SLC39A11: variants seen among roughly 807,000 people sequenced by gnomAD.
SLC39A11 encodes solute carrier family 39 member 11.
A neutral mutation model predicts 36.1 loss-of-function variants in SLC39A11; 33 were observed. That is an observed-to-expected ratio of 0.91 (90% CI 0.69 to 1.22). SLC39A11 has a LOEUF of 1.22. SLC39A11 is among the 50% of genes most tolerant of loss of function. The pLI, the probability that SLC39A11 is intolerant of heterozygous loss-of-function variation, is 0.00. For missense variants in SLC39A11, 432 were observed against 430.3 expected (o/e 1.00, Z -0.03); for synonymous variants, 166 against 170.3 (o/e 0.97, Z 0.20).
intron 6 of SLC39A11, among the ~76,000 whole-genome samples, chr17:72,775,235 C>T (rs1437207945): frequency 1.3e-5 from 2 of 152,164 alleles, no homozygotes; most frequent in Non-Finnish European, 2.9e-5. Flanking sequence ...CTGAGGACCC[C>T]CTTGCAGCCC....
At chr17:72,956,500 T>C (rs1245619108) in intron 4 of SLC39A11, among the ~76,000 whole-genome samples, 4 of 152,238 alleles carry the variant, frequency 2.6e-5, no homozygotes, top group Non-Finnish European at 4.4e-5. Context: ...CAAAGCATTA[T>C]GCTTTTTCTT....
At chr17:72,768,771 TA>T (rs2075835279) in intron 6 of SLC39A11, among the ~76,000 whole-genome samples, 1 of 151,986 alleles carries the variant, frequency 6.6e-6, no homozygotes, top group African/African-American at 2.4e-5. Context: ...TTATTATTAT[TA>T]TTTTTTGAGA....
In SLC39A11 at chr17:72,849,652, T is replaced by C. The variant is rs763268192; in HGVS notation, c.583A>G (p.Thr195Ala). 2.5e-6 allele frequency: 4 copies of C among 1,577,182 alleles called. No homozygotes were observed. Among genetic ancestry groups the C allele is most frequent in the Non-Finnish European group, 3.4e-6 (4 of 1,165,008 alleles). The stretch of plus-strand genomic sequence containing the variant: ...ACCTCACCTGGAACGTTGTGTATAG[T>C]GATGGCCAAGATGAGCAGTGCGATC... ...RRIALLILAITIHNVPEGLAV... is the reference protein window; with the variant it reads ...RRIALLILAIAIHNVPEGLAV... The change falls in exon 6 of 10, where the codon ACT becomes GCT. Residue 195 changes from threonine to alanine, a missense_variant. Thr to Ala is a moderately conservative substitution (Grantham distance 58, BLOSUM62 0). Coordinates refer to ENST00000255559, the MANE Select transcript of SLC39A11 (RefSeq NM_139177.4).
At chr17:72,873,991 C>T (rs2080774614) in intron 5 of SLC39A11, among the ~76,000 whole-genome samples, 1 of 152,150 alleles carries the variant, frequency 6.6e-6, no homozygotes, top group African/African-American at 2.4e-5. Context: ...TGAAGAGGTG[C>T]CTTCCACCAT....
chr17:72,688,234 G>C (rs2071847975), intron 7 of SLC39A11, among the ~76,000 whole-genome samples: 1 of 152,254 alleles, frequency 6.6e-6, no homozygotes, highest in African/African-American at 2.4e-5. Context: ...TAGGGCCTAA[G>C]ATACCTGAAT....
intron 7 of SLC39A11, among the ~76,000 whole-genome samples, chr17:72,666,388 A>C (rs1390384051): frequency 3.3e-5 from 5 of 152,244 alleles, no homozygotes; most frequent in African/African-American, 9.6e-5. Flanking sequence ...AGTGGAGGCC[A>C]AATGAGAAAG....
chr17:72,915,730 G>A (rs1318481898), intron 5 of SLC39A11, among the ~76,000 whole-genome samples: 2 of 152,146 alleles, frequency 1.3e-5, no homozygotes, highest in Non-Finnish European at 2.9e-5. Context: ...ACAAACCAGG[G>A]GCCCAGATGG....
chr17:73,061,881 A>G (rs929067779), intron 3 of SLC39A11, among the ~76,000 whole-genome samples: 2 of 152,158 alleles, frequency 1.3e-5, no homozygotes, highest in African/African-American at 4.8e-5. Context: ...CTGTGGTCCC[A>G]GCTACTCAGG....
intron 7 of SLC39A11, among the ~76,000 whole-genome samples, chr17:72,703,034 T>C (rs924999575): frequency 6.6e-6 from 1 of 151,518 alleles, no homozygotes; most frequent in Non-Finnish European, 1.5e-5. Flanking sequence ...ATAAATGGGC[T>C]GCCTGATCTC....
chr17:72,837,442 T>A (rs753884851), intron 6 of SLC39A11, among the ~76,000 whole-genome samples: 21 of 150,426 alleles, frequency 1.4e-4, no homozygotes, highest in Non-Finnish European at 1.5e-4. Context: ...ATTATCCCTT[T>A]GTGTCAAAGG....
chr17:72,811,068 C>CAAA (rs10707741), intron 6 of SLC39A11, among the ~76,000 whole-genome samples: 20 of 141,948 alleles, frequency 1.4e-4, no homozygotes, highest in African/African-American at 3.3e-4. Context: ...TGAATAAAAG[C>CAAA]AAAAAAAAAA....
At chr17:73,084,877 C>T in intron 2 of SLC39A11, 31 bp from the exon 3 acceptor site, 3 of 1,611,994 alleles carry the variant, frequency 1.9e-6, no homozygotes, top group Non-Finnish European at 2.5e-6. Flanking sequence ...TTTCAGTTTC[C>T]AAGAGACAAT....
intron 5 of SLC39A11, among the ~76,000 whole-genome samples, chr17:72,901,914 A>T (rs547662028): frequency 8.2e-4 from 125 of 152,262 alleles, no homozygotes; most frequent in Middle Eastern, 3.4e-3. Flanking sequence ...GTCTTTGCAG[A>T]GGTCATAAAG....
At chr17:72,996,010 C>G (rs180837372) in intron 4 of SLC39A11, among the ~76,000 whole-genome samples, 28 of 152,244 alleles carry the variant, frequency 1.8e-4, no homozygotes, top group Admixed American at 5.2e-4. Flanking sequence ...CCCCACCCTT[C>G]TGCCTTCCCG....
At chr17:72,938,682 A>C in intron 5 of SLC39A11, among the ~76,000 whole-genome samples, 1 of 152,304 alleles carries the variant, frequency 6.6e-6, no homozygotes, top group South Asian at 2.1e-4. Context: ...GACAAATAAA[A>C]GCCTGGCAGG....
At chr17:72,661,414 G>A (rs956159498) in intron 7 of SLC39A11, among the ~76,000 whole-genome samples, 11 of 152,130 alleles carry the variant, frequency 7.2e-5, no homozygotes, top group African/African-American at 2.4e-4. Flanking sequence ...TGCTCTCCAG[G>A]CTATATTCCC....
intron 6 of SLC39A11, among the ~76,000 whole-genome samples, chr17:72,744,000 C>T (rs911714280): frequency 6.6e-6 from 1 of 152,208 alleles, no homozygotes; most frequent in Admixed American, 6.5e-5. Flanking sequence ...CTCCAACCTC[C>T]TCCTGGGGCT....
At chr17:72,687,201 A>T (rs537377747) in intron 7 of SLC39A11, among the ~76,000 whole-genome samples, 24 of 150,578 alleles carry the variant, frequency 1.6e-4, no homozygotes, top group Admixed American at 9.2e-4. Flanking sequence ...TAGTTTTTTT[A>T]AAAAATTTTT....
At chr17:72,761,833 C>T (rs2075589378) in intron 6 of SLC39A11, among the ~76,000 whole-genome samples, 1 of 152,172 alleles carries the variant, frequency 6.6e-6, no homozygotes, top group South Asian at 2.1e-4. Context: ...GATCAACAGG[C>T]ATCAAAGAGC....
Sources: allele counts gnomAD v4.1 joint callset (sites outside exome capture counted in the v4.1 genomes callset), GRCh38; gene constraint gnomAD v4.1.1; transcripts MANE v1.5; gene names NCBI Gene and HGNC (gene_info 2026-07-23, HGNC 2026-07-21).